IFRD1: variants seen among roughly 807,000 people sequenced by gnomAD.
The protein encoded by IFRD1 is interferon related developmental regulator 1.
Under a neutral mutation model 52.9 loss-of-function variants are expected in IFRD1, and 35 were observed. The observed-to-expected ratio is 0.66, with a 90% CI of 0.51 to 0.88. The LOEUF (loss-of-function observed/expected upper bound fraction) is 0.88. IFRD1 is among the 40% of genes least tolerant of loss of function. The pLI is 0.00. For synonymous variants in IFRD1, 184 were observed against 188.4 expected, an observed-to-expected ratio of 0.98 and a Z score of 0.19; for missense variants, 517 against 550.8, an observed-to-expected ratio of 0.94 and a Z score of 0.61.
intron 8 of IFRD1, among the ~76,000 whole-genome samples, chr7:112,463,213 G>T (rs955483971): frequency 6.6e-6 from 1 of 152,120 alleles, no homozygotes; most frequent in Admixed American, 6.6e-5. Context: ...GATCCAATAA[G>T]AAAACTCAAA....
chr7:112,452,719 T>C (rs112128061), intron 1 of IFRD1, among the ~76,000 whole-genome samples: 36 of 152,180 alleles, frequency 2.4e-4, no homozygotes, highest in African/African-American at 7.2e-4. Context: ...CCTTTTAAAT[T>C]TTGCTTCAGG....
At chr7:112,447,229 T>C (rs1795050028), upstream of IFRD1, among the ~76,000 whole-genome samples, 1 of 152,224 alleles carries the variant, frequency 6.6e-6, no homozygotes, top group Non-Finnish European at 1.5e-5. Context: ...AACATTTGAG[T>C]ATACTTACCC....
chr7:112,455,362 G>T (rs372295510), intron 1 of IFRD1, among the ~76,000 whole-genome samples: 85 of 152,208 alleles, frequency 5.6e-4, no homozygotes, highest in African/African-American at 1.9e-3. Flanking sequence ...GTGTGCGCCT[G>T]TAATCCCAGC....
intron 4 of IFRD1, chr7:112,457,767 G>C (rs1178941805): frequency 6.6e-6 from 1 of 152,046 alleles, no homozygotes; most frequent in East Asian, 1.9e-4. Context: ...ATTCAGCCAA[G>C]TAAGAACATT....
intron 8 of IFRD1, among the ~76,000 whole-genome samples, chr7:112,467,006 G>A (rs965204145): frequency 2.0e-5 from 3 of 152,146 alleles, no homozygotes; most frequent in African/African-American, 7.2e-5. Flanking sequence ...TTAAGAATAT[G>A]TAATTGGAAA....
At position 112,468,022 on chromosome 7, in the gene IFRD1, T is replaced by C. The variant is rs766707858; in HGVS notation, c.948T>C (p.Leu316=). ...ACATGGAGTCCTTGACGCAGATGCT[T>C]AGGGCCTTGGCAACAGATGGAAATA... is the stretch of plus-strand genomic sequence containing the variant. The part of the protein sequence containing the change: ...YEDMESLTQM[L]RALATDGNKH... Residue 316 remains leucine, a synonymous_variant, in exon 9 of 12, where the codon CTT becomes CTC. Transcript: ENST00000403825. 3.1e-6 allele frequency: 5 copies of C among 1,614,072 alleles called. No homozygotes were observed. In the East Asian group the frequency reaches 1.1e-4, roughly 36 times the overall value.
In IFRD1 at chr7:112,456,007, G is replaced by T; in HGVS notation, c.205G>T (p.Glu69Ter). Residue 69 changes from glutamate (E) to a stop codon, truncating the protein, a stop_gained, in exon 3 of 12, where the codon GAA becomes TAA. Coordinates refer to ENST00000403825, the MANE Select transcript of IFRD1 (RefSeq NM_001550.4). LOFTEE classifies it high-confidence loss of function. ...DPSSFAEDGP[E>*]VLDEEGTQED... is the part of the protein sequence containing the mutation. ...TGTTTTATATTATTTCTTAGGACCA[G>T]AAGTCCTTGATGAGGAAGGAACTCA... 6.3e-7 allele frequency: 1 copy of T among 1,593,048 alleles called. No homozygotes were observed. The highest frequency in any genetic ancestry group is 8.6e-7 in the Non-Finnish European group (1 of 1,160,990).
intron 1 of IFRD1, among the ~76,000 whole-genome samples, chr7:112,445,069 T>C (rs1251600562): frequency 3.4e-5 from 5 of 146,930 alleles, no homozygotes; most frequent in East Asian, 2.0e-4. Context: ...TTTCTTTTTT[T>C]TTTTTTTTTT....
At chr7:112,430,415 C>T (rs1258152886) in intron 1 of IFRD1, among the ~76,000 whole-genome samples, 1 of 152,124 alleles carries the variant, frequency 6.6e-6, no homozygotes, top group Non-Finnish European at 1.5e-5. Context: ...CTGCTGAAGA[C>T]TGGAGCAGCA....
chr7:112,429,495 C>G (rs1226052043), intron 1 of IFRD1, among the ~76,000 whole-genome samples: 1 of 152,236 alleles, frequency 6.6e-6, no homozygotes, highest in Non-Finnish European at 1.5e-5. Flanking sequence ...CTGGACCATT[C>G]TCACATCTGA....
At chr7:112,433,859 C>T (rs1056673195) in intron 1 of IFRD1, among the ~76,000 whole-genome samples, 20 of 152,280 alleles carry the variant, frequency 1.3e-4, no homozygotes, top group East Asian at 3.9e-4. Flanking sequence ...CTCGCTAGGC[C>T]GCCCAGGCTG....
chr7:112,450,384 A>G (rs1795120880), upstream of IFRD1: 3 of 431,430 alleles, frequency 7.0e-6, no homozygotes, highest in Middle Eastern at 6.5e-4. Context: ...TTGGTTGGGA[A>G]GCGCTCAAGC....
intron 4 of IFRD1, among the ~76,000 whole-genome samples, chr7:112,458,582 T>C (rs992773843): frequency 6.6e-6 from 1 of 152,208 alleles, no homozygotes; most frequent in Non-Finnish European, 1.5e-5. Context: ...TTAAGATAGA[T>C]ACTAATCTCC....
At chr7:112,453,540 C>T (rs1014859251) in intron 1 of IFRD1, among the ~76,000 whole-genome samples, 7 of 152,020 alleles carry the variant, frequency 4.6e-5, no homozygotes, top group Non-Finnish European at 1.0e-4. Flanking sequence ...AGGAGGAATA[C>T]TCTTAGAAAT....
In IFRD1 at chr7:112,462,104, A is replaced by G. The variant is rs1354426179; in HGVS notation, c.722A>G (p.His241Arg). ...VICSTPNTVL[H>R]ISSLLAWTLL... is the part of the protein sequence containing the mutation. ...TGCAGCACTCCTAATACAGTGCTTC[A>G]TATCAGCTCTCTTCTTGCATGGACA... Residue 241 changes from histidine to arginine, a missense_variant, in exon 7 of 12, where the codon CAT becomes CGT. Physicochemically the swap from His to Arg is conservative, Grantham distance 29. Transcript: ENST00000403825. 1.9e-6 allele frequency: 3 copies of G among 1,613,716 alleles called. No homozygotes were observed. Among genetic ancestry groups the G allele is most frequent in the African/African-American group, 2.7e-5 (2 of 74,918 alleles).
intron 3 of IFRD1, 64 bp downstream of exon 3, chr7:112,456,150 G>T: frequency 1.1e-6 from 1 of 923,432 alleles, no homozygotes; most frequent in East Asian, 2.4e-5. Context: ...AAAGCTAAGA[G>T]AAATGATTAT....
chr7:112,463,851 TATACACACACAC>T (rs1795531289), intron 8 of IFRD1, among the ~76,000 whole-genome samples: 2 of 26,934 alleles, frequency 7.4e-5, no homozygotes, highest in African/African-American at 4.4e-4. Flanking sequence ...TACACATTTA[TATACACACACAC>T]ACACACACAC....
chr7:112,447,526 C>CA (rs1347408242), upstream of IFRD1, among the ~76,000 whole-genome samples: 1 of 152,194 alleles, frequency 6.6e-6, no homozygotes, highest in Non-Finnish European at 1.5e-5. Flanking sequence ...AACTTCCTTG[C>CA]AGCTAGGGAT....
At chr7:112,442,811 G>C (rs1563260545) in intron 1 of IFRD1, among the ~76,000 whole-genome samples, 1 of 152,200 alleles carries the variant, frequency 6.6e-6, no homozygotes. Context: ...AGGAATATTT[G>C]TTGAAGGAAT....
Sources: allele counts gnomAD v4.1 joint callset (sites outside exome capture counted in the v4.1 genomes callset), GRCh38; gene constraint gnomAD v4.1.1; transcripts MANE v1.5; gene names NCBI Gene and HGNC (gene_info 2026-07-23, HGNC 2026-07-21).